Variants in IYD observed in about 807,000 individuals in gnomAD.
IYD encodes iodotyrosine deiodinase 1.
Under a neutral mutation model 28.4 loss-of-function variants are expected in IYD, and 25 were observed. The ratio of observed to expected loss-of-function variants is 0.88; its 90% CI spans 0.64 to 1.23. The LOEUF is 1.23. Ranked by LOEUF, IYD falls within the 50% of genes most tolerant of loss-of-function variation. The pLI, the probability that IYD is intolerant of heterozygous loss-of-function variation, is 0.00. For missense variants in IYD, 352 were observed against 357.9 expected (o/e 0.98, Z 0.13); for synonymous variants, 140 against 130.8 (o/e 1.07, Z -0.48).
At chr6:150,372,193 A>G (rs1387285096) in intron 1 of IYD, among the ~76,000 whole-genome samples, 3 of 152,186 alleles carry the variant, frequency 2.0e-5, no homozygotes, top group Non-Finnish European at 4.4e-5. Context: ...AACCTCCTGC[A>G]GCTCTGATTC....
intron 4 of IYD, chr6:150,395,247 A>G: frequency 1.6e-6 from 1 of 636,050 alleles, no homozygotes; most frequent in Non-Finnish European, 2.7e-6. Context: ...CATAAAATAA[A>G]TGTAGAAAAC....
Position 150,383,812 on chromosome 6 carries a change from A to AG in IYD, c.179-5540_179-5539insG, listed in dbSNP as rs1562315039. On this transcript the variant is annotated intron_variant, in intron 1 of 4. Transcript: ENST00000344419. ...AGTCTCTAAAAAAAAAAAAAAACAA[A>AG]AACAAAAACAAAAAAAATTAATGTT... Among the ~76,000 whole-genome samples the AG allele has an allele frequency of 4.2e-5, 5 of 118,778 alleles. 1 individual carries two copies. The highest frequency in any genetic ancestry group is 2.3e-4 in the African/African-American group (5 of 21,964). 77.9% of individuals were successfully genotyped at this position (118,778 alleles called of 152,430 possible).
chr6:150,370,051 T>C, intron 1 of IYD: 1 of 702,190 alleles, frequency 1.4e-6, no homozygotes, highest in Non-Finnish European at 2.6e-6. Context: ...TTGAGCCATC[T>C]GTGTTTGAGA....
chr6:150,374,930 T>G (rs1329369093), intron 1 of IYD, among the ~76,000 whole-genome samples: 1 of 152,074 alleles, frequency 6.6e-6, no homozygotes, highest in Non-Finnish European at 1.5e-5. Flanking sequence ...CAGTGGAAGG[T>G]CAGAAAGCCC....
chr6:150,380,906 G>A (rs184655347), intron 1 of IYD, among the ~76,000 whole-genome samples: 17 of 152,212 alleles, frequency 1.1e-4, no homozygotes, highest in Non-Finnish European at 2.4e-4. Context: ...ACTTGATCAT[G>A]CTCAGCTCCT....
intron 2 of IYD, among the ~76,000 whole-genome samples, chr6:150,391,066 G>A (rs1020935330): frequency 3.3e-5 from 5 of 152,002 alleles, no homozygotes; most frequent in South Asian, 2.1e-4. Flanking sequence ...GTGAAACCCC[G>A]TCTCTACTAA....
chr6:150,384,437 G>T (rs1276997565), intron 1 of IYD: 1 of 152,124 alleles, frequency 6.6e-6, no homozygotes, highest in Non-Finnish European at 1.5e-5. Flanking sequence ...ATATACTGAG[G>T]TTTACTTTCT....
Position 150,403,939 on chromosome 6 carries a change from A to G in IYD, c.*5702A>G, listed in dbSNP as rs921321606. 11 of 130,556 alleles carry G rather than the reference A, an allele frequency of 8.4e-5. No individual in the cohort carries two copies. Among genetic ancestry groups the G allele is most frequent in the African/African-American group, 2.8e-4 (11 of 39,228 alleles). The allele number at this position is 130,556 out of a possible 1,614,324, so 8.1% of individuals were successfully genotyped here. On this transcript the variant is annotated 3_prime_UTR_variant, in exon 5 of 5. Transcript: ENST00000344419. ...TAGGTGGAGTCGCCAACTTCCTTCT[A>G]CTCTAATAATTAAAAATAAAAATAA...
At chr6:150,379,753 T>C (rs1423612479) in intron 1 of IYD, among the ~76,000 whole-genome samples, 1 of 152,132 alleles carries the variant, frequency 6.6e-6, no homozygotes, top group African/African-American at 2.4e-5. Flanking sequence ...TAAACCATTG[T>C]TTGTTCTCAG....
At chr6:150,381,028 C>T (rs1292949859) in intron 1 of IYD, among the ~76,000 whole-genome samples, 3 of 152,194 alleles carry the variant, frequency 2.0e-5, no homozygotes, top group African/African-American at 7.2e-5. Flanking sequence ...GTCTTCTTCC[C>T]TCATCAGCCT....
At chr6:150,373,503 C>T (rs115220715) in intron 1 of IYD, among the ~76,000 whole-genome samples, 2,022 of 152,282 alleles carry the variant, frequency 0.013, 45 homozygotes, top group African/African-American at 0.046. Flanking sequence ...CTCTGAAAGT[C>T]CACCAGTGCC....
rs925309729 is a variant in IYD, at chr6:150,403,466, GA to G, written c.*5230del. 5 of 152,254 alleles carry G rather than the reference GA, an allele frequency of 3.3e-5. No individual in the cohort carries two copies. The highest frequency in any genetic ancestry group is 5.9e-5 in the Non-Finnish European group (4 of 68,086). 9.4% of individuals were successfully genotyped at this position (152,254 alleles called of 1,614,324 possible). The stretch of plus-strand genomic sequence containing the variant: ...AAACGTTGCGTTTATCTACCTTTTA[GA>G]GAGGGTGAATAGCAGAGAACTGGAG... On this transcript the variant is annotated 3_prime_UTR_variant, in exon 5 of 5. Coordinates refer to ENST00000344419, the MANE Select transcript of IYD (RefSeq NM_203395.3).
chr6:150,405,735 G>T lies in IYD; in HGVS notation c.*7498G>T, dbSNP rs1399952175. 1 of 152,176 alleles carries T rather than the reference G, an allele frequency of 6.6e-6. No homozygotes were observed. The highest frequency in any genetic ancestry group is 2.4e-5 in the African/African-American group (1 of 41,432). The allele number at this position is 152,176 out of a possible 1,614,324, so 9.4% of individuals were successfully genotyped here. ...TTATCCCCCATCAGTTCTCTCCCAT[G>T]ACATGTGGGGATTATGGGAACTACA... On this transcript the variant is annotated 3_prime_UTR_variant, in exon 5 of 5. Transcript: ENST00000344419.
In IYD at chr6:150,399,360, A is replaced by T. The variant is rs906852924; in HGVS notation, c.*1123A>T. Reference sequence around the variant, plus strand: ...ACCCACAGTGTCTCCCTTCTCTTCTACCCCAACCCCTGAAACACACTGACC... The same window carrying T: ...ACCCACAGTGTCTCCCTTCTCTTCTTCCCCAACCCCTGAAACACACTGACC... On this transcript the variant is annotated 3_prime_UTR_variant, in exon 5 of 5. Coordinates refer to ENST00000344419, the MANE Select transcript of IYD (RefSeq NM_203395.3). 1 of 152,082 alleles carries T rather than the reference A, an allele frequency of 6.6e-6. No individual in the cohort carries two copies. The highest frequency in any genetic ancestry group is 1.5e-5 in the Non-Finnish European group (1 of 68,068). 9.4% of individuals were successfully genotyped at this position (152,082 alleles called of 1,614,324 possible).
chr6:150,382,568 C>T (rs1195786322), intron 1 of IYD, among the ~76,000 whole-genome samples: 1 of 115,264 alleles, frequency 8.7e-6, no homozygotes, highest in African/African-American at 3.6e-5. Flanking sequence ...TCTCTCTTCT[C>T]CTTTCAGGAC....
chr6:150,392,324 T>A (rs770337624), intron 2 of IYD, 21 bp from the exon 3 acceptor site: 1 of 1,612,380 alleles, frequency 6.2e-7, no homozygotes, highest in Non-Finnish European at 8.5e-7. Context: ...TAATTTCTGA[T>A]TTTAATGGAA....
chr6:150,374,082 A>G (rs894435178), intron 1 of IYD, among the ~76,000 whole-genome samples: 1 of 152,246 alleles, frequency 6.6e-6, no homozygotes, highest in African/African-American at 2.4e-5. Context: ...CTCAGAAGAC[A>G]AATCCTGTCT....
intron 1 of IYD, among the ~76,000 whole-genome samples, chr6:150,389,017 T>A (rs905437565): frequency 4.6e-5 from 7 of 152,118 alleles, no homozygotes; most frequent in South Asian, 2.1e-4. Flanking sequence ...TTCCTTTTTT[T>A]AAAAAGAGAC....
intron 1 of IYD, among the ~76,000 whole-genome samples, chr6:150,374,298 G>A (rs1424771479): frequency 2.0e-5 from 3 of 152,176 alleles, no homozygotes; most frequent in Non-Finnish European, 2.9e-5. Context: ...TGCTAGGTTT[G>A]GCAAAAAGTG....
Sources: gnomAD v4.1 joint callset for allele counts (sites outside exome capture counted in the v4.1 genomes callset) on GRCh38, gnomAD v4.1.1 for gene constraint, MANE v1.5 for transcripts, NCBI Gene and HGNC (gene_info 2026-07-23, HGNC 2026-07-21) for gene names.